The following MSRA variants were observed in gnomAD, a reference collection of about 807,000 sequenced individuals.
MSRA encodes mitochondrial peptide methionine sulfoxide reductase.
MSRA carries 54 observed loss-of-function variants against 31.3 expected under a neutral mutation model. The ratio of observed to expected loss-of-function variants is 1.73; its 90% CI spans 1.39 to 2.17. MSRA has a LOEUF of 2.17. MSRA is among the 30% of genes most tolerant of loss of function. The pLI is 0.00. For missense variants in MSRA, 507 were observed against 300.9 expected (o/e 1.69, Z -5.07); for synonymous variants, 169 against 116.5 (o/e 1.45, Z -2.90).
chr8:10,317,640 A>C (rs1585450421), intron 4 of MSRA, among the ~76,000 whole-genome samples: 1 of 152,292 alleles, frequency 6.6e-6, no homozygotes, highest in East Asian at 1.9e-4. Flanking sequence ...TTTAAGCACA[A>C]GGTGTTGTTT....
At chr8:10,238,831 A>T (rs1812164801) in intron 2 of MSRA, among the ~76,000 whole-genome samples, 1 of 152,206 alleles carries the variant, frequency 6.6e-6, no homozygotes, top group Non-Finnish European at 1.5e-5. Context: ...TATTATCTTT[A>T]TCTTTATATA....
intron 5 of MSRA, among the ~76,000 whole-genome samples, chr8:10,368,041 A>C (rs1197962927): frequency 6.6e-6 from 1 of 152,146 alleles, no homozygotes; most frequent in African/African-American, 2.4e-5. Context: ...GGACGGTAGA[A>C]TTCCCTGCCC....
intron 1 of MSRA, among the ~76,000 whole-genome samples, chr8:10,083,270 C>A (rs759007540): frequency 1.3e-5 from 2 of 152,176 alleles, no homozygotes; most frequent in African/African-American, 2.4e-5. Flanking sequence ...TTAGTCAAAT[C>A]TAAAACTCAC....
intron 5 of MSRA, among the ~76,000 whole-genome samples, chr8:10,321,782 A>G (rs1255980979): frequency 1.3e-5 from 2 of 152,182 alleles, no homozygotes; most frequent in Non-Finnish European, 1.5e-5. Context: ...GCCAAGAACT[A>G]TGTGAGTGAG....
In MSRA at chr8:10,399,287, G is replaced by T. The variant is rs533461101; in HGVS notation, c.544-28861G>T. 3.9e-5 allele frequency among the ~76,000 whole-genome samples: 6 copies of T among 152,236 alleles called. No individual in the cohort carries two copies. In the South Asian group the frequency reaches 1.2e-3, roughly 31 times the overall value. ...AAATGAGCATGGTCTACTGTAGTAA[G>T]TGTCCATAGGTGATATGGTTTGGAT... On this transcript the variant is annotated intron_variant, in intron 5 of 5. Transcript: ENST00000317173.
chr8:10,396,192 C>G (rs559794174), intron 5 of MSRA, among the ~76,000 whole-genome samples: 1 of 152,262 alleles, frequency 6.6e-6, no homozygotes, highest in African/African-American at 2.4e-5. Flanking sequence ...GATCTTTGTC[C>G]TTGGTACAAG....
intron 1 of MSRA, among the ~76,000 whole-genome samples, chr8:10,194,764 G>A (rs947204587): frequency 7.2e-5 from 11 of 152,186 alleles, no homozygotes; most frequent in Non-Finnish European, 8.8e-5. Context: ...TAAGCATGAG[G>A]CTGATCAGAG....
chr8:10,325,194 C>T (rs1453258031), intron 5 of MSRA, among the ~76,000 whole-genome samples: 3 of 152,172 alleles, frequency 2.0e-5, no homozygotes, highest in East Asian at 1.9e-4. Flanking sequence ...TGATTTGCCA[C>T]GATGGAGTGA....
chr8:10,247,777 TTTG>T (rs1263502073), intron 3 of MSRA, among the ~76,000 whole-genome samples: 4 of 152,174 alleles, frequency 2.6e-5, no homozygotes, highest in African/African-American at 4.8e-5. Flanking sequence ...CCTAGGCTTT[TTTG>T]TTGTTGTTGT....
intron 3 of MSRA, among the ~76,000 whole-genome samples, chr8:10,284,765 T>C (rs1799845674): frequency 6.6e-6 from 1 of 152,150 alleles, no homozygotes; most frequent in Admixed American, 6.6e-5. Context: ...AACCTCTCTG[T>C]GCCTAACTGT....
At chr8:10,055,673 A>T (rs1263786971) in intron 1 of MSRA, among the ~76,000 whole-genome samples, 2 of 152,264 alleles carry the variant, frequency 1.3e-5, no homozygotes, top group African/African-American at 4.8e-5. Context: ...TAATCTACAC[A>T]TGGCTCAATG....
At chr8:10,419,045 C>A (rs577611029) in intron 5 of MSRA, among the ~76,000 whole-genome samples, 28 of 152,208 alleles carry the variant, frequency 1.8e-4, no homozygotes, top group African/African-American at 6.7e-4. Context: ...CTTGTGCGCA[C>A]AAACACAGGG....
chr8:10,171,177 G>C (rs1805555107), intron 1 of MSRA, among the ~76,000 whole-genome samples: 1 of 152,208 alleles, frequency 6.6e-6, no homozygotes, highest in African/African-American at 2.4e-5. Flanking sequence ...AGAAAGAGAA[G>C]CTGGGCCAGA....
chr8:10,226,275 C>T (rs1295833827), intron 2 of MSRA, among the ~76,000 whole-genome samples: 1 of 152,210 alleles, frequency 6.6e-6, no homozygotes, highest in Admixed American at 6.5e-5. Flanking sequence ...CCACTAATAG[C>T]CCTCCCAGCT....
At chr8:10,413,661 T>TA (rs35633124) in intron 5 of MSRA, among the ~76,000 whole-genome samples, 82,156 of 137,442 alleles carry the variant, frequency 0.6, 24,709 homozygotes, top group East Asian at 0.72. Flanking sequence ...AGAGAGATAT[T>TA]AAAAAAAAAA....
At chr8:10,224,803 T>C (rs1341335041) in intron 2 of MSRA, among the ~76,000 whole-genome samples, 1 of 152,216 alleles carries the variant, frequency 6.6e-6, no homozygotes, top group African/African-American at 2.4e-5. Flanking sequence ...GTCTGACATG[T>C]AAGGTTCTGC....
chr8:10,379,816 C>T (rs1367980064), intron 5 of MSRA, among the ~76,000 whole-genome samples: 7 of 152,218 alleles, frequency 4.6e-5, no homozygotes, highest in Non-Finnish European at 8.8e-5. Context: ...AGGCGTGCTC[C>T]ATCAGTGGGT....
At position 10,177,099 on chromosome 8, in the gene MSRA, A is replaced by T. The variant is rs533603478; in HGVS notation, c.143-30734A>T. Among the ~76,000 whole-genome samples the T allele has an allele frequency of 2.6e-5, 4 of 152,300 alleles. No individual in the cohort carries two copies. In the South Asian group the frequency reaches 8.3e-4, roughly 32 times the overall value. On this transcript the variant is annotated intron_variant, in intron 1 of 5. Transcript: ENST00000317173. ...TTACGTGCTGTTTGCTGTTTGATTC[A>T]ATGAGTCTCTTGTATCTTTGCAAAT...
chr8:10,339,537 T>C (rs1256867134), intron 5 of MSRA, among the ~76,000 whole-genome samples: 4 of 48,674 alleles, frequency 8.2e-5, no homozygotes, highest in African/African-American at 2.6e-4. Context: ...CTTTCTTTTT[T>C]TTTTTTTTTT....
Sources: gnomAD v4.1 joint callset for allele counts (sites outside exome capture counted in the v4.1 genomes callset) on GRCh38, gnomAD v4.1.1 for gene constraint, MANE v1.5 for transcripts, NCBI Gene and HGNC (gene_info 2026-07-23, HGNC 2026-07-21) for gene names.